SPAG9: variants seen among roughly 807,000 people sequenced by gnomAD.
The protein encoded by SPAG9 is sperm associated antigen 9, also known as C-Jun-amino-terminal kinase-interacting protein 4.
SPAG9 carries 35 observed loss-of-function variants against 166.5 expected under a neutral mutation model. The ratio of observed to expected loss-of-function variants is 0.21; its 90% CI spans 0.16 to 0.28. The LOEUF is 0.28. Ranked by LOEUF, SPAG9 falls within the 10% of genes least tolerant of loss-of-function variation. The probability of loss-of-function intolerance (pLI) is 1.00; values close to 1 mark genes in which losing one functional copy is unlikely to be tolerated. For missense variants in SPAG9, 1,235 were observed against 1,603.3 expected, an observed-to-expected ratio of 0.77 and a Z score of 3.92; for synonymous variants, 534 against 565.5, an observed-to-expected ratio of 0.94 and a Z score of 0.79.
chr17:51,045,545 T>C (rs2046988720), intron 4 of SPAG9, among the ~76,000 whole-genome samples: 1 of 152,150 alleles, frequency 6.6e-6, no homozygotes, highest in Non-Finnish European at 1.5e-5. Context: ...GGGAAGTTAC[T>C]ACTTTAATTC....
chr17:51,113,918 CCA>C (rs755694181), intron 1 of SPAG9, among the ~76,000 whole-genome samples: 5 of 152,034 alleles, frequency 3.3e-5, no homozygotes, highest in Admixed American at 2.0e-4. Flanking sequence ...TCGCTTGAAC[CCA>C]GGAGGCAGAG....
At chr17:51,012,968 C>T (rs949246613) in intron 9 of SPAG9, among the ~76,000 whole-genome samples, 33 of 152,092 alleles carry the variant, frequency 2.2e-4, no homozygotes, top group African/African-American at 7.7e-4. Flanking sequence ...TGAGCTCAAG[C>T]GATCCACTTG....
At chr17:50,991,952 TAA>T (rs34990922) in intron 19 of SPAG9, among the ~76,000 whole-genome samples, 1 of 107,484 alleles carries the variant, frequency 9.3e-6, no homozygotes, top group Non-Finnish European at 1.8e-5. Context: ...TTTTTTTTTT[TAA>T]AACACAGGGT....
intron 19 of SPAG9, among the ~76,000 whole-genome samples, chr17:50,991,758 C>T (rs917726338): frequency 1.3e-5 from 2 of 151,152 alleles, no homozygotes; most frequent in South Asian, 4.2e-4. Flanking sequence ...CAAGTAGCTG[C>T]GATTACAAGC....
Position 51,115,416 on chromosome 17 carries a change from C to T in SPAG9, c.303+4938G>A, listed in dbSNP as rs144973058. Reference sequence around the variant, plus strand: ...TACGTTGCCCAGGCTTGAACTCATCCTTTTTTTTTTTTTTTTAAAGCAAAA... The same window carrying T: ...TACGTTGCCCAGGCTTGAACTCATCTTTTTTTTTTTTTTTTTAAAGCAAAA... On this transcript the variant is annotated intron_variant, in intron 1 of 29. Coordinates refer to ENST00000262013, the MANE Select transcript of SPAG9 (RefSeq NM_001130528.3). Among the ~76,000 whole-genome samples, 683 of 143,024 alleles carry T rather than the reference C, an allele frequency of 4.8e-3. 6 individuals carry two copies. The highest frequency in any genetic ancestry group is 7.2e-3 in the Non-Finnish European group (476 of 66,038). 93.8% of individuals were successfully genotyped at this position (143,024 alleles called of 152,430 possible).
At position 50,965,566 on chromosome 17, in the gene SPAG9, A is replaced by G. The variant is rs1296116461; in HGVS notation, c.*706T>C. On this transcript the variant is annotated 3_prime_UTR_variant, in exon 30 of 30. Coordinates refer to ENST00000262013, the MANE Select transcript of SPAG9 (RefSeq NM_001130528.3). ...TCAGTATGAAAATGAGACTGGTCTC[A>G]AAAAAAACCCATCAGAATATTCAGA... 1 of 152,022 alleles carries G rather than the reference A, an allele frequency of 6.6e-6. No homozygotes were observed. Among genetic ancestry groups the G allele is most frequent in the East Asian group, 1.9e-4 (1 of 5,198 alleles). The allele number at this position is 152,022 out of a possible 1,614,324, so 9.4% of individuals were successfully genotyped here.
intron 6 of SPAG9, among the ~76,000 whole-genome samples, chr17:51,024,116 C>T (rs906125308): frequency 2.7e-5 from 4 of 149,548 alleles, no homozygotes; most frequent in African/African-American, 9.9e-5. Flanking sequence ...GCCAACATGG[C>T]GAAACCCGTA....
chr17:51,002,214 G>A (rs1233667891), intron 12 of SPAG9, among the ~76,000 whole-genome samples: 5 of 151,926 alleles, frequency 3.3e-5, no homozygotes, highest in South Asian at 4.1e-4. Context: ...ACAGGGTCTC[G>A]TTATGTTGCC....
At chr17:51,089,298 C>T (rs148789588) in intron 1 of SPAG9, among the ~76,000 whole-genome samples, 5,673 of 148,982 alleles carry the variant, frequency 0.038, 159 homozygotes, top group Middle Eastern at 0.069. Context: ...GTGGTGGGCA[C>T]CTGTAATCCC....
chr17:50,977,238 G>T lies in SPAG9; in HGVS notation c.3410-17C>A. 6.7e-7 allele frequency: 1 copy of T among 1,481,724 alleles called. No homozygotes were observed. The highest frequency in any genetic ancestry group is 9.4e-7 in the Non-Finnish European group (1 of 1,060,802). The allele number at this position is 1,481,724 out of a possible 1,614,324, so 91.8% of individuals were successfully genotyped here. On this transcript the variant is annotated splice_polypyrimidine_tract_variant and intron_variant, in intron 26 of 29. Coordinates refer to ENST00000262013, the MANE Select transcript of SPAG9 (RefSeq NM_001130528.3). Reference sequence around the variant, plus strand: ...TTCCAGTACCTGTAAAGAAAGGAGGGAACACGTTATTGAGAAACTAAAGCA... The same window carrying T: ...TTCCAGTACCTGTAAAGAAAGGAGGTAACACGTTATTGAGAAACTAAAGCA...
chr17:51,005,479 T>A (rs544558391), intron 11 of SPAG9, among the ~76,000 whole-genome samples: 13 of 152,348 alleles, frequency 8.5e-5, no homozygotes, highest in African/African-American at 2.9e-4. Context: ...AAAAATAATG[T>A]TTTAAATTTC....
intron 15 of SPAG9, among the ~76,000 whole-genome samples, chr17:50,998,225 T>A (rs564793575): frequency 7.9e-5 from 12 of 151,740 alleles, no homozygotes; most frequent in African/African-American, 2.7e-4. Context: ...AGAGATGGGG[T>A]TTCACCATAT....
intron 1 of SPAG9, among the ~76,000 whole-genome samples, chr17:51,096,792 T>G (rs971932622): frequency 6.6e-6 from 1 of 152,210 alleles, no homozygotes; most frequent in Admixed American, 6.5e-5. Context: ...TATATAAGAA[T>G]GTAACAGTGT....
chr17:51,014,175 C>T, intron 9 of SPAG9, 57 bp downstream of exon 9: 4 of 1,495,102 alleles, frequency 2.7e-6, no homozygotes, highest in Non-Finnish European at 3.6e-6. Context: ...TCAATTAAAT[C>T]ATTTAAAAAA....
intron 20 of SPAG9, 54 bp downstream of exon 20, chr17:50,990,396 T>A: frequency 7.8e-7 from 1 of 1,285,200 alleles, no homozygotes; most frequent in Non-Finnish European, 1.1e-6. Flanking sequence ...TAATGAGGCA[T>A]CTGAGTGTAG....
At chr17:50,999,841 A>C (rs887737759) in intron 13 of SPAG9, 124 bp from the exon 14 acceptor site, 16 of 706,998 alleles carry the variant, frequency 2.3e-5, no homozygotes, top group Non-Finnish European at 3.6e-5. Context: ...TAAGTTCAAT[A>C]AATACTGTAG....
At chr17:51,009,261 T>C (rs2045359445) in intron 9 of SPAG9, 5 of 396,838 alleles carry the variant, frequency 1.3e-5, no homozygotes, top group South Asian at 9.6e-5. Flanking sequence ...ATTGACAAGA[T>C]GTAGAGAAAC....
At chr17:50,988,138 C>A (rs532211316) in intron 21 of SPAG9, among the ~76,000 whole-genome samples, 2 of 152,272 alleles carry the variant, frequency 1.3e-5, no homozygotes, top group Non-Finnish European at 2.9e-5. Context: ...ATCGCTTGAA[C>A]CTGGAAGGCG....
chr17:51,120,713 G>C lies in SPAG9; in HGVS notation c.-57C>G. On this transcript the variant is annotated 5_prime_UTR_variant, in exon 1 of 30. Coordinates refer to ENST00000262013, the MANE Select transcript of SPAG9 (RefSeq NM_001130528.3). The surrounding 1 kb of genome is among the most constrained non-coding windows in gnomAD (Gnocchi z 4.7). ...CGTCGCCGGCAGAGGGGCGGCACCT[G>C]CCCGCACGGGACGGACCCGACTCGG... is the stretch of plus-strand genomic sequence containing the variant. 1 of 1,455,206 alleles carries C rather than the reference G, an allele frequency of 6.9e-7. No individual in the cohort carries two copies. The highest frequency in any genetic ancestry group is 9.2e-7 in the Non-Finnish European group (1 of 1,083,262). 90.1% of individuals were successfully genotyped at this position (1,455,206 alleles called of 1,614,324 possible).
Sources: gnomAD v4.1 joint callset for allele counts (sites outside exome capture counted in the v4.1 genomes callset) on GRCh38, gnomAD v4.1.1 for gene constraint, Gnocchi (gnomAD v3.1) non-coding constraint, MANE v1.5 for transcripts, NCBI Gene and HGNC (gene_info 2026-07-23, HGNC 2026-07-21) for gene names.